Variants in MACC1 observed in about 807,000 individuals in gnomAD.
The protein encoded by MACC1 is metastasis-associated in colon cancer protein 1.
A neutral mutation model predicts 70.7 loss-of-function variants in MACC1; 79 were observed. The ratio of observed to expected loss-of-function variants is 1.12; its 90% CI spans 0.93 to 1.35. The LOEUF is 1.35. Among genes scored for constraint, MACC1 ranks in the 40% most tolerant of loss-of-function variants. The pLI, the probability that MACC1 is intolerant of heterozygous loss-of-function variation, is 0.00. For synonymous variants in MACC1, 361 were observed against 347.2 expected, an observed-to-expected ratio of 1.04 and a Z score of -0.44; for missense variants, 1,106 against 978.1, an observed-to-expected ratio of 1.13 and a Z score of -1.74.
intron 5 of MACC1, among the ~76,000 whole-genome samples, chr7:20,157,543 G>C (rs1782072326): frequency 6.6e-6 from 1 of 151,440 alleles, no homozygotes; most frequent in Non-Finnish European, 1.5e-5. Context: ...CAGCACTTTG[G>C]GAGGCAAAGG....
chr7:20,160,015 A>C lies in MACC1; in HGVS notation c.346T>G (p.Ser116Ala). 1 of 1,611,828 alleles carries C rather than the reference A, an allele frequency of 6.2e-7. No individual in the cohort carries two copies. The highest frequency in any genetic ancestry group is 8.5e-7 in the Non-Finnish European group (1 of 1,179,310). Residue 116 changes from serine to alanine, a missense_variant, in exon 5 of 7, where the codon TCC becomes GCC. Transcript: ENST00000400331. ...TGATGCACATCAAGTTCATCACCGG[A>C]GGAATCAAAAGAATTTCCATTTTCT... ...EIENGNSFDS[S>A]GDELDVHQLL...
rs764160822 is a variant in MACC1, at chr7:20,160,176, T to G, written c.185A>C (p.Lys62Thr). The G allele has an allele frequency of 1.2e-6, 2 of 1,610,490 alleles. No individual in the cohort carries two copies. Among genetic ancestry groups the G allele is most frequent in the Admixed American group, 3.4e-5 (2 of 59,268 alleles). The change falls in exon 5 of 7, where the codon AAA (lysine) becomes ACA (threonine). Residue 62 changes from lysine (K) to threonine (T), a missense_variant. Coordinates refer to ENST00000400331, the MANE Select transcript of MACC1 (RefSeq NM_182762.4). ...AFTLRGNNAS[K>T]VANPFWNQLS... The stretch of plus-strand genomic sequence containing the variant: ...TTGATTCCAGAATGGATTTGCAACT[T>G]TGGAAGCATTATTACCACGAAGGGT...
intron 6 of MACC1, among the ~76,000 whole-genome samples, chr7:20,144,222 T>C (rs998268913): frequency 2.0e-5 from 3 of 152,334 alleles, no homozygotes; most frequent in African/African-American, 4.8e-5. Context: ...AAGAAAATGA[T>C]GAATATTGCA....
intron 1 of MACC1, among the ~76,000 whole-genome samples, chr7:20,213,345 G>C (rs1453985338): frequency 6.6e-6 from 1 of 152,200 alleles, no homozygotes; most frequent in African/African-American, 2.4e-5. Context: ...AATTAGTTCA[G>C]CCATTGTGGA....
chr7:20,161,992 ATCT>A (rs1390079507), intron 3 of MACC1, 122 bp from the exon 4 acceptor site: 10 of 596,368 alleles, frequency 1.7e-5, no homozygotes, highest in Non-Finnish European at 2.4e-5. Context: ...CTCTATATAA[ATCT>A]TCTACTCCTG....
rs1349111711 is a variant in MACC1 at position 20,158,663 on chromosome 7, A to G, written c.1698T>C (p.Ile566=). 6.2e-7 allele frequency: 1 copy of G among 1,613,860 alleles called. No individual in the cohort carries two copies. The highest frequency in any genetic ancestry group is 8.5e-7 in the Non-Finnish European group (1 of 1,179,960). Residue 566 remains isoleucine, a synonymous_variant, in exon 5 of 7, where the codon ATT becomes ATC. Coordinates refer to ENST00000400331, the MANE Select transcript of MACC1 (RefSeq NM_182762.4). ...TLKAVLRQSK[I]DYFLEYFKGD... ...CTTTGAAATATTCAAGGAAGTAATC[A>G]ATCTTGCTTTGTCTTAGCACTGCCT...
chr7:20,172,450 G>A (rs1678990570), intron 1 of MACC1, among the ~76,000 whole-genome samples: 1 of 152,094 alleles, frequency 6.6e-6, no homozygotes, highest in Non-Finnish European at 1.5e-5. Context: ...AAACCATCAT[G>A]AGGGAGAAAA....
intron 1 of MACC1, among the ~76,000 whole-genome samples, chr7:20,197,541 C>T (rs556544566): frequency 3.3e-5 from 5 of 152,182 alleles, no homozygotes; most frequent in African/African-American, 4.8e-5. Flanking sequence ...TTATGGATAT[C>T]AAGATCTCCT....
At chr7:20,178,513 T>G (rs1782447992) in intron 1 of MACC1, among the ~76,000 whole-genome samples, 1 of 152,218 alleles carries the variant, frequency 6.6e-6, no homozygotes, top group Non-Finnish European at 1.5e-5. Flanking sequence ...GGCAGTTTTT[T>G]ATCATTCTGT....
At position 20,160,036 on chromosome 7, in the gene MACC1, T is replaced by C. The variant is rs1279954451; in HGVS notation, c.325A>G (p.Asn109Asp). 1 of 1,610,716 alleles carries C rather than the reference T, an allele frequency of 6.2e-7. No homozygotes were observed. Among genetic ancestry groups the C allele is most frequent in the Non-Finnish European group, 8.5e-7 (1 of 1,178,988 alleles). Residue 109 changes from asparagine (N) to aspartate (D), a missense_variant, in exon 5 of 7, where the codon AAT (asparagine) becomes GAT (aspartate). By Grantham distance (23) the Asn-to-Asp change is conservative (BLOSUM62 1). Transcript: ENST00000400331. ...DPFLFCREIE[N>D]GNSFDSSGDE... Reference sequence around the variant, plus strand: ...CCGGAGGAATCAAAAGAATTTCCATTTTCTATTTCTCTACAGAAAAGAAAA... The same window carrying C: ...CCGGAGGAATCAAAAGAATTTCCATCTTCTATTTCTCTACAGAAAAGAAAA...
rs1332736216 is a variant in MACC1 at position 20,159,095 on chromosome 7, C to T, written c.1266G>A (p.Lys422=). The T allele has an allele frequency of 1.2e-6, 2 of 1,613,038 alleles. No homozygotes were observed. The highest frequency in any genetic ancestry group is 3.3e-5 in the Admixed American group (2 of 59,854). Residue 422 remains lysine (K), a synonymous_variant, in exon 5 of 7, where the codon AAG becomes AAA. Transcript: ENST00000400331. ...ISPVVFQLWG[K]QSFLLDKPQD... is the part of the protein sequence containing the mutation. Reference sequence around the variant, plus strand: ...GTGGCTTGTCAAGTAAAAATGACTGCTTCCCCCAGAGCTGAAACACAACTG... The same window carrying T: ...GTGGCTTGTCAAGTAAAAATGACTGTTTCCCCCAGAGCTGAAACACAACTG...
At chr7:20,204,689 TC>T (rs1478447848) in intron 1 of MACC1, among the ~76,000 whole-genome samples, 2 of 152,190 alleles carry the variant, frequency 1.3e-5, no homozygotes, top group Non-Finnish European at 2.9e-5. Flanking sequence ...AACACACTTT[TC>T]ACAGGCGACT....
chr7:20,172,449 T>A lies in MACC1; in HGVS notation c.-217-1671A>T, dbSNP rs149521570. On this transcript the variant is annotated intron_variant, in intron 1 of 6. Coordinates refer to ENST00000400331, the MANE Select transcript of MACC1 (RefSeq NM_182762.4). The stretch of plus-strand genomic sequence containing the variant: ...ATTTTTAAAGTATTTTAAACCATCA[T>A]GAGGGAGAAAATAAAATATATAAAT... 2.6e-4 allele frequency among the ~76,000 whole-genome samples: 39 copies of A among 152,230 alleles called. 3 individuals are homozygous for A. The highest frequency in any genetic ancestry group is 8.7e-4 in the African/African-American group (36 of 41,546).
At chr7:20,160,376 C>T (rs1267269505) in intron 4 of MACC1, 131 bp from the exon 5 acceptor site, 7 of 1,059,918 alleles carry the variant, frequency 6.6e-6, no homozygotes, top group Non-Finnish European at 9.1e-6. Flanking sequence ...CTCTAGTCTA[C>T]TAGCTAACAT....
intron 6 of MACC1, among the ~76,000 whole-genome samples, chr7:20,149,562 G>A (rs772010933): frequency 3.9e-5 from 6 of 152,142 alleles, no homozygotes; most frequent in Admixed American, 6.5e-5. Flanking sequence ...AGATGGTAGA[G>A]GTGGAACAGA....
chr7:20,210,321 T>TCTCTGCACTCC (rs1311424252), intron 1 of MACC1, among the ~76,000 whole-genome samples: 2 of 152,156 alleles, frequency 1.3e-5, no homozygotes, highest in Admixed American at 1.3e-4. Context: ...CCTCTCCCTC[T>TCTCTGCACTCC]CTCTCCTCAC....
At chr7:20,193,924 A>G (rs1016983417) in intron 1 of MACC1, among the ~76,000 whole-genome samples, 4 of 152,106 alleles carry the variant, frequency 2.6e-5, no homozygotes, top group Admixed American at 1.3e-4. Flanking sequence ...AGCCATGTTT[A>G]AAGAAAACAT....
At chr7:20,214,592 T>C (rs1783042805) in intron 1 of MACC1, among the ~76,000 whole-genome samples, 1 of 152,224 alleles carries the variant, frequency 6.6e-6, no homozygotes, top group African/African-American at 2.4e-5. Context: ...AATAACTATA[T>C]ATAAATGTTA....
intron 1 of MACC1, among the ~76,000 whole-genome samples, chr7:20,197,998 A>C (rs1450646274): frequency 6.6e-6 from 1 of 152,236 alleles, no homozygotes; most frequent in Non-Finnish European, 1.5e-5. Flanking sequence ...TCCTAAGAGG[A>C]AAATACCACC....
Sources: gnomAD v4.1 joint callset for allele counts (sites outside exome capture counted in the v4.1 genomes callset) on GRCh38, gnomAD v4.1.1 for gene constraint, MANE v1.5 for transcripts, NCBI Gene and HGNC (gene_info 2026-07-23, HGNC 2026-07-21) for gene names.